The following DERL3 variants were observed in gnomAD, a reference collection of about 807,000 sequenced individuals.
DERL3 encodes the protein derlin-3.
Under a neutral mutation model 23.8 loss-of-function variants are expected in DERL3, and 20 were observed. The observed-to-expected ratio is 0.84, with a 90% CI of 0.59 to 1.22. The LOEUF is 1.22. Among genes scored for constraint, DERL3 ranks in the 50% most tolerant of loss-of-function variants. The pLI is 0.00. For synonymous variants in DERL3, 145 were observed against 132.5 expected, an observed-to-expected ratio of 1.09 and a Z score of -0.65; for missense variants, 319 against 304.1, an observed-to-expected ratio of 1.05 and a Z score of -0.36.
At position 23,834,983 on chromosome 22, in the gene DERL3, G is replaced by T; in HGVS notation, c.*1886C>A. ...GCACTGCTGGGCTGTCGCCAGCCTG[G>T]GTGCAGGAGGGCTGTTCTAGCTCCA... On this transcript the variant is annotated 3_prime_UTR_variant, in exon 7 of 7. Transcript: ENST00000318109. The T allele has an allele frequency of 6.6e-7, 1 of 1,516,792 alleles. No homozygotes were observed. Among genetic ancestry groups the T allele is most frequent in the Non-Finnish European group, 8.8e-7 (1 of 1,134,994 alleles). The allele number at this position is 1,516,792 out of a possible 1,614,324, so 94.0% of individuals were successfully genotyped here.
rs1484072574 is a variant in DERL3 at position 23,838,878 on chromosome 22, T to C, written c.93+17A>G. The C allele has an allele frequency of 9.7e-6, 15 of 1,553,590 alleles. No individual in the cohort carries two copies. The highest frequency in any genetic ancestry group is 1.3e-5 in the Non-Finnish European group (15 of 1,148,410). On this transcript the variant is annotated intron_variant, in intron 1 of 6. Coordinates refer to ENST00000318109, the MANE Select transcript of DERL3 (RefSeq NM_001002862.3). ...AGGCTGTAACCAAGGCGACGTCCGGTCCGCCCGGCCGCTTACCACCGCGGC... is the reference window on the plus strand; with the variant it reads ...AGGCTGTAACCAAGGCGACGTCCGGCCCGCCCGGCCGCTTACCACCGCGGC...
At chr22:23,838,321 C>A in intron 4 of DERL3, 31 bp downstream of exon 4, 1 of 1,574,374 alleles carries the variant, frequency 6.4e-7, no homozygotes, top group Non-Finnish European at 8.6e-7. Flanking sequence ...GGCGCCCTAG[C>A]CCGAGGTTCC....
In DERL3 at chr22:23,836,926, A is replaced by C. The variant is rs1452347283; in HGVS notation, c.651T>G (p.Asn217Lys). The change falls in exon 7 of 7, where the codon AAT becomes AAG. Residue 217 changes from asparagine to lysine, a missense_variant. Asn to Lys is a moderately conservative substitution (Grantham distance 94). Coordinates refer to ENST00000318109, the MANE Select transcript of DERL3 (RefSeq NM_001002862.3). ...GCTGTTCCTCAGGGAGGGGCAGGTA[A>C]TTGGGGTCTTCTGCAGGGGCATCCA... is the stretch of plus-strand genomic sequence containing the variant. ...LLLDAPAEDP[N>K]YLPLPEEQPG... 1.3e-6 allele frequency: 2 copies of C among 1,551,924 alleles called. No individual in the cohort carries two copies. The highest frequency in any genetic ancestry group is 2.5e-5 in the South Asian group (2 of 81,462).
Position 23,836,488 on chromosome 22 carries a change from C to A in DERL3, c.*381G>T. ...AGAGGCCTATGGTGGGCAGGACTTG[C>A]CCAAGGCCCTGGTGGGGCCAGGATG... On this transcript the variant is annotated 3_prime_UTR_variant, in exon 7 of 7. Coordinates refer to ENST00000318109, the MANE Select transcript of DERL3 (RefSeq NM_001002862.3). The A allele has an allele frequency of 4.0e-6, 4 of 1,005,772 alleles. No individual in the cohort carries two copies. Among genetic ancestry groups the A allele is most frequent in the Non-Finnish European group, 4.7e-6 (4 of 844,034 alleles). The allele number at this position is 1,005,772 out of a possible 1,614,324, so 62.3% of individuals were successfully genotyped here. A position where few individuals can be genotyped will look rare whatever the true frequency, so the allele number is the denominator to read the frequency against.
Position 23,838,616 on chromosome 22 carries a change from A to T in DERL3, c.181T>A (p.Phe61Ile). The T allele has an allele frequency of 7.4e-7, 1 of 1,342,916 alleles. No individual in the cohort carries two copies. 83.2% of individuals were successfully genotyped at this position (1,342,916 alleles called of 1,614,324 possible). ...AATCCCAGGGGCCCGAAGAAGAGGA[A>T]GTTGGTGACGAGCCTCCAGACCTAC... ...KFQVWRLVTNFLFFGPLGFSF... is the reference protein window; with the variant it reads ...KFQVWRLVTNILFFGPLGFSF... The change falls in exon 3 of 7, where the codon TTC becomes ATC. Residue 61 changes from phenylalanine (F) to isoleucine (I), a missense_variant. Physicochemically the swap from Phe to Ile is conservative, Grantham distance 21. Coordinates refer to ENST00000318109, the MANE Select transcript of DERL3 (RefSeq NM_001002862.3).
At chr22:23,837,398 G>A in intron 5 of DERL3, 2 of 650,986 alleles carry the variant, frequency 3.1e-6, no homozygotes, top group Non-Finnish European at 5.2e-6. Context: ...GGAGCCATGG[G>A]GCAGGAACCC....
At position 23,837,141 on chromosome 22, in the gene DERL3, G is replaced by A. The variant is rs754607537; in HGVS notation, c.537C>T (p.Gly179=). The A allele has an allele frequency of 1.2e-6, 2 of 1,613,918 alleles. No homozygotes were observed. Among genetic ancestry groups the A allele is most frequent in the Admixed American group, 3.3e-5 (2 of 60,002 alleles). The stretch of plus-strand genomic sequence containing the variant: ...CGTCCTCCAGGAAGTAGTAGATATG[G>A]CCCACCGCAATCCCTGTGAGACAGC... ...ILVDLLGIAV[G]HIYYFLEDVF... The change falls in exon 6 of 7, where the codon GGC becomes GGT. Residue 179 remains glycine, a synonymous_variant. Coordinates refer to ENST00000318109, the MANE Select transcript of DERL3 (RefSeq NM_001002862.3).
intron 5 of DERL3, chr22:23,837,413 C>A: frequency 1.6e-6 from 1 of 642,772 alleles, no homozygotes; most frequent in Non-Finnish European, 2.7e-6. Context: ...GAACCCTGAC[C>A]CTCCCATCCT....
intron 4 of DERL3, 198 bp downstream of exon 4, chr22:23,838,154 T>C (rs2146068868): frequency 1.3e-6 from 2 of 1,535,260 alleles, no homozygotes. Flanking sequence ...CTTTTGTGCA[T>C]GGCTTTGTAT....
Position 23,838,625 on chromosome 22 carries a change from C to A in DERL3, c.172G>T (p.Val58Phe). Residue 58 changes from valine (V) to phenylalanine (F), a missense_variant, in exon 3 of 7, where the codon GTC becomes TTC. Val to Phe is a conservative substitution (Grantham distance 50). Transcript: ENST00000318109. ...VFRKFQVWRL[V>F]TNFLFFGPLG... ...GGCCCGAAGAAGAGGAAGTTGGTGACGAGCCTCCAGACCTACGGGGGACGG... is the reference window on the plus strand; with the variant it reads ...GGCCCGAAGAAGAGGAAGTTGGTGAAGAGCCTCCAGACCTACGGGGGACGG... 1 of 1,574,502 alleles carries A rather than the reference C, an allele frequency of 6.4e-7. No homozygotes were observed.
chr22:23,836,762 C>T lies in DERL3; in HGVS notation c.*107G>A. The T allele has an allele frequency of 1.4e-6, 2 of 1,393,536 alleles. No homozygotes were observed. The highest frequency in any genetic ancestry group is 1.9e-6 in the Non-Finnish European group (2 of 1,076,234). 86.3% of individuals were successfully genotyped at this position (1,393,536 alleles called of 1,614,324 possible). ...AGCTCATTCTGTTTATTCAGGTGGG[C>T]CCTTGCATGGGCCCAGCCTTTAGGA... is the stretch of plus-strand genomic sequence containing the variant. On this transcript the variant is annotated 3_prime_UTR_variant, in exon 7 of 7. Transcript: ENST00000318109.
Position 23,835,472 on chromosome 22 carries a change from T to TTAGGGATTGGGG in DERL3, c.*1385_*1396dup. ...ATGTGGGGCAGAGGCAGAGCTCTGATTAGGGATTGGGGTTCTTGGTCGCTG... is the reference window on the plus strand; with the variant it reads ...ATGTGGGGCAGAGGCAGAGCTCTGATTAGGGATTGGGGTAGGGATTGGGGTTCTTGGTCGCTG... On this transcript the variant is annotated 3_prime_UTR_variant, in exon 7 of 7. Coordinates refer to ENST00000318109, the MANE Select transcript of DERL3 (RefSeq NM_001002862.3). 2 of 985,794 alleles carry TTAGGGATTGGGG rather than the reference T, an allele frequency of 2.0e-6. No individual in the cohort carries two copies. Among genetic ancestry groups the TTAGGGATTGGGG allele is most frequent in the South Asian group, 9.4e-5 (2 of 21,294 alleles). The allele number at this position is 985,794 out of a possible 1,614,324, so 61.1% of individuals were successfully genotyped here.
At chr22:23,837,938 C>T in intron 4 of DERL3, 84 bp from the exon 5 acceptor site, 1 of 1,266,776 alleles carries the variant, frequency 7.9e-7, no homozygotes, top group South Asian at 1.4e-5. Flanking sequence ...GGAATTCTTC[C>T]CCTCATCTCC....
rs1165283690 is a variant in DERL3 at position 23,835,550 on chromosome 22, G to A, written c.*1319C>T. On this transcript the variant is annotated 3_prime_UTR_variant, in exon 7 of 7. Transcript: ENST00000318109. Reference sequence around the variant, plus strand: ...ACATGTTAGCATGGGACTCTTCCCAGGGAGTTTGCACTCAGGGCCTCTGCC... The same window carrying A: ...ACATGTTAGCATGGGACTCTTCCCAAGGAGTTTGCACTCAGGGCCTCTGCC... The A allele has an allele frequency of 2.0e-6, 2 of 985,382 alleles. No homozygotes were observed. The highest frequency in any genetic ancestry group is 3.5e-5 in the African/African-American group (2 of 57,244). The allele number at this position is 985,382 out of a possible 1,614,324, so 61.0% of individuals were successfully genotyped here.
intron 5 of DERL3, 122 bp downstream of exon 5, chr22:23,837,537 G>C (rs2070462): frequency 0.47 from 489,975 of 1,036,224 alleles, 122,583 homozygotes; most frequent in Admixed American, 0.53. Context: ...GCAGGAAGAT[G>C]GGGATGGAGC....
Position 23,835,883 on chromosome 22 carries a change from C to T in DERL3, c.*986G>A. On this transcript the variant is annotated 3_prime_UTR_variant, in exon 7 of 7. Coordinates refer to ENST00000318109, the MANE Select transcript of DERL3 (RefSeq NM_001002862.3). ...GGGCCCTCACTCCTGACCGCCAGCT[C>T]ACACCGCCGCAAAGCCATCTCCACA... is the stretch of plus-strand genomic sequence containing the variant. 6.1e-6 allele frequency: 6 copies of T among 985,490 alleles called. No homozygotes were observed. The highest frequency in any genetic ancestry group is 7.2e-6 in the Non-Finnish European group (6 of 829,964). The allele number at this position is 985,490 out of a possible 1,614,324, so 61.0% of individuals were successfully genotyped here. A position where few individuals can be genotyped will look rare whatever the true frequency, so the allele number is the denominator to read the frequency against.
Position 23,835,342 on chromosome 22 carries a change from C to T in DERL3, c.*1527G>A. On this transcript the variant is annotated 3_prime_UTR_variant, in exon 7 of 7. Coordinates refer to ENST00000318109, the MANE Select transcript of DERL3 (RefSeq NM_001002862.3). The stretch of plus-strand genomic sequence containing the variant: ...AATGGGCACAGATCCGGGCACAGAT[C>T]CCAGCACAGACTGCTGCCACCCTCA... 1.0e-6 allele frequency: 1 copy of T among 999,226 alleles called. No individual in the cohort carries two copies. The highest frequency in any genetic ancestry group is 1.2e-6 in the Non-Finnish European group (1 of 839,546). The allele number at this position is 999,226 out of a possible 1,614,324, so 61.9% of individuals were successfully genotyped here.
At chr22:23,838,660 T>A in intron 2 of DERL3, 23 bp from the exon 3 acceptor site, 2 of 154,150 alleles carry the variant, frequency 1.3e-5, no homozygotes, top group Non-Finnish European at 2.3e-5. Flanking sequence ...GGCGGTCAGG[T>A]GCGGGGTGGG....
Position 23,838,340 on chromosome 22 carries a change from C to T in DERL3, c.327+12G>A, listed in dbSNP as rs770740955. On this transcript the variant is annotated intron_variant, in intron 4 of 6. Coordinates refer to ENST00000318109, the MANE Select transcript of DERL3 (RefSeq NM_001002862.3). ...CCCTAGCCCGAGGTTCCAGAGCCTG[C>T]GGGAAGGATACGGTCATAAGGACGC... 4 of 1,594,026 alleles carry T rather than the reference C, an allele frequency of 2.5e-6. No individual in the cohort carries two copies. In the East Asian group the frequency reaches 6.9e-5, roughly 27 times the overall value.
Sources: gnomAD v4.1 joint callset for allele counts on GRCh38, gnomAD v4.1.1 for gene constraint, MANE v1.5 for transcripts, NCBI Gene and HGNC (gene_info 2026-07-23, HGNC 2026-07-21) for gene names.